RSU1: variants seen among roughly 807,000 people sequenced by gnomAD.
RSU1 encodes the protein rsu-1.
RSU1 carries 26 observed loss-of-function variants against 31.1 expected under a neutral mutation model. The ratio of observed to expected loss-of-function variants is 0.84; its 90% CI spans 0.61 to 1.16. The LOEUF is 1.16. RSU1 is among the 50% of genes most tolerant of loss of function. The pLI is 0.00. For missense variants in RSU1, 320 were observed against 339.1 expected (o/e 0.94, Z 0.44); for synonymous variants, 164 against 136.3 (o/e 1.20, Z -1.41).
At chr10:16,767,358 C>G (rs1028684793) in intron 3 of RSU1, 1 of 152,168 alleles carries the variant, frequency 6.6e-6, no homozygotes, top group Admixed American at 6.5e-5. Flanking sequence ...AAAGGTATCG[C>G]CTTTTTGACA....
chr10:16,711,628 T>G (rs544145929), intron 7 of RSU1, among the ~76,000 whole-genome samples: 7 of 152,334 alleles, frequency 4.6e-5, no homozygotes, highest in African/African-American at 1.7e-4. Flanking sequence ...TTCATTTCTC[T>G]GTTAATTTAA....
intron 8 of RSU1, among the ~76,000 whole-genome samples, chr10:16,691,722 C>CTTTTTTTTTTTTTTTT (rs58786188): frequency 1.9e-5 from 2 of 106,044 alleles, no homozygotes; most frequent in Non-Finnish European, 3.6e-5. Context: ...GCTGCTGCTT[C>CTTTTTTTTTTTTTTTT]TTTTTTTTTT....
intron 3 of RSU1, among the ~76,000 whole-genome samples, chr10:16,765,925 T>C (rs1017366674): frequency 3.3e-5 from 5 of 152,178 alleles, no homozygotes; most frequent in Non-Finnish European, 5.9e-5. Flanking sequence ...ATGCCAAACA[T>C]ACATCTAAAA....
chr10:16,695,996 G>GA (rs1564320798), intron 7 of RSU1, among the ~76,000 whole-genome samples: 2 of 150,812 alleles, frequency 1.3e-5, no homozygotes, highest in South Asian at 2.1e-4. Flanking sequence ...CCAGTTGACT[G>GA]TTTTTTTTTC....
intron 2 of RSU1, among the ~76,000 whole-genome samples, chr10:16,786,016 TG>T (rs1342464317): frequency 1.3e-5 from 2 of 152,170 alleles, no homozygotes; most frequent in Admixed American, 1.3e-4. Flanking sequence ...CATTTTGGAT[TG>T]TAACAACTGT....
intron 8 of RSU1, among the ~76,000 whole-genome samples, chr10:16,626,356 G>GT (rs1341550082): frequency 6.6e-6 from 1 of 151,710 alleles, no homozygotes; most frequent in African/African-American, 2.4e-5. Context: ...TGGCTAACTT[G>GT]TTTTTTTATG....
chr10:16,662,186 C>T (rs887858445), intron 8 of RSU1, among the ~76,000 whole-genome samples: 1 of 152,202 alleles, frequency 6.6e-6, no homozygotes, highest in Admixed American at 6.5e-5. Flanking sequence ...AACACCCACA[C>T]AGCTGGTATA....
chr10:16,788,995 T>C (rs781776038), intron 2 of RSU1, among the ~76,000 whole-genome samples: 1 of 152,146 alleles, frequency 6.6e-6, no homozygotes, highest in Non-Finnish European at 1.5e-5. Flanking sequence ...CTGAAGGTAC[T>C]CCCATCTTCC....
intron 2 of RSU1, among the ~76,000 whole-genome samples, chr10:16,806,726 C>T (rs909907934): frequency 1.6e-4 from 24 of 152,052 alleles, no homozygotes; most frequent in African/African-American, 5.8e-4. Flanking sequence ...CTTTGACACG[C>T]CCTAAAGACT....
intron 3 of RSU1, among the ~76,000 whole-genome samples, chr10:16,772,751 C>T (rs1029351366): frequency 2.0e-5 from 3 of 151,334 alleles, no homozygotes; most frequent in Middle Eastern, 3.2e-3. Context: ...TGAGTACATG[C>T]CTTTACTATG....
chr10:16,689,279 T>C (rs901409652), intron 8 of RSU1, among the ~76,000 whole-genome samples: 1 of 152,202 alleles, frequency 6.6e-6, no homozygotes, highest in African/African-American at 2.4e-5. Flanking sequence ...TCATCAGATG[T>C]TTATTAAGTT....
chr10:16,766,724 A>G (rs1457471295), intron 3 of RSU1, among the ~76,000 whole-genome samples: 1 of 151,568 alleles, frequency 6.6e-6, no homozygotes, highest in Non-Finnish European at 1.5e-5. Context: ...TCGAGAAGAG[A>G]AAAGATTGGC....
At chr10:16,665,931 G>T (rs895852084) in intron 8 of RSU1, among the ~76,000 whole-genome samples, 1 of 152,122 alleles carries the variant, frequency 6.6e-6, no homozygotes. Context: ...TGCAAAGCTG[G>T]TATTCTGCCA....
chr10:16,753,540 G>T (rs150643063), intron 5 of RSU1, among the ~76,000 whole-genome samples: 1 of 152,142 alleles, frequency 6.6e-6, no homozygotes. Context: ...TTATTACTAC[G>T]TGTTTCTACA....
chr10:16,787,576 G>A (rs1276631965), intron 2 of RSU1, among the ~76,000 whole-genome samples: 1 of 152,174 alleles, frequency 6.6e-6, no homozygotes, highest in East Asian at 1.9e-4. Flanking sequence ...CAAGGGCGGG[G>A]CCAGATGGAG....
Sources: allele counts gnomAD v4.1 joint callset (sites outside exome capture counted in the v4.1 genomes callset), GRCh38; gene constraint gnomAD v4.1.1; transcripts MANE v1.5; gene names NCBI Gene and HGNC (gene_info 2026-07-23, HGNC 2026-07-21).